The following COBL variants were observed in gnomAD, a reference collection of about 807,000 sequenced individuals.
COBL encodes the protein protein cordon-bleu.
In COBL, 51 loss-of-function variants were observed where a neutral mutation model predicts 98.8. The ratio of observed to expected loss-of-function variants is 0.52; its 90% CI spans 0.41 to 0.65. The LOEUF (loss-of-function observed/expected upper bound fraction) is 0.65, where lower values mean the gene tolerates loss of function less well. Among genes scored for constraint, COBL ranks in the 30% least tolerant of loss-of-function variants. The pLI is 0.00. For synonymous variants in COBL, 634 were observed against 651.7 expected (o/e 0.97, Z 0.41); for missense variants, 1,617 against 1,617.5 (o/e 1.00, Z 0.01).
rs59579117 is a variant in COBL, at chr7:51,016,412, G to A, written c.*1139C>T. The A allele has an allele frequency of 6.6e-6, 1 of 152,210 alleles. No homozygotes were observed. The highest frequency in any genetic ancestry group is 1.5e-5 in the Non-Finnish European group (1 of 68,070). The allele number at this position is 152,210 out of a possible 1,614,324, so 9.4% of individuals were successfully genotyped here. On this transcript the variant is annotated 3_prime_UTR_variant, in exon 13 of 13. Transcript: ENST00000265136. ...CTCACCATACTTGTTTTCTCACTCA[G>A]ATACACATTTTATTTCATCAACACA... is the stretch of plus-strand genomic sequence containing the variant.
At chr7:51,040,246 G>C (rs555690273) in intron 8 of COBL, among the ~76,000 whole-genome samples, 1 of 147,272 alleles carries the variant, frequency 6.8e-6, no homozygotes, top group African/African-American at 2.5e-5. Context: ...TTCATTCTAT[G>C]AAATCCCCCC....
intron 6 of COBL, among the ~76,000 whole-genome samples, chr7:51,123,545 G>C (rs1797931380): frequency 6.6e-6 from 1 of 152,200 alleles, no homozygotes; most frequent in Non-Finnish European, 1.5e-5. Context: ...AGAACAGGCT[G>C]CTGAGAAAGA....
intron 12 of COBL, among the ~76,000 whole-genome samples, chr7:51,019,701 A>T (rs1786732313): frequency 6.6e-6 from 1 of 152,206 alleles, no homozygotes; most frequent in East Asian, 1.9e-4. Context: ...AGTCACACGC[A>T]AAGAGTCTGC....
At chr7:51,135,068 T>A (rs56255708) in intron 6 of COBL, among the ~76,000 whole-genome samples, 6,165 of 152,214 alleles carry the variant, frequency 0.041, 189 homozygotes, top group Non-Finnish European at 0.059. Flanking sequence ...GTTCAAGCAA[T>A]TCTCCTGCCT....
intron 8 of COBL, among the ~76,000 whole-genome samples, chr7:51,042,430 A>C (rs1392823975): frequency 6.6e-6 from 1 of 152,040 alleles, no homozygotes; most frequent in Non-Finnish European, 1.5e-5. Flanking sequence ...TACAATCTCA[A>C]CTCACTGCAA....
chr7:51,230,266 C>A (rs1312953667), intron 1 of COBL, among the ~76,000 whole-genome samples: 1 of 152,208 alleles, frequency 6.6e-6, no homozygotes, highest in East Asian at 1.9e-4. Flanking sequence ...CTAGGCCTAA[C>A]AACACCCAAT....
intron 6 of COBL, among the ~76,000 whole-genome samples, chr7:51,133,072 A>G (rs955167566): frequency 2.0e-5 from 3 of 152,324 alleles, no homozygotes; most frequent in South Asian, 2.1e-4. Context: ...AAGAGCAGCG[A>G]GCAAGAATTC....
chr7:51,147,110 C>T (rs533443902), intron 5 of COBL, among the ~76,000 whole-genome samples: 18 of 152,290 alleles, frequency 1.2e-4, no homozygotes, highest in Admixed American at 3.3e-4. Flanking sequence ...GTCAGGACTC[C>T]GCAGCCCTGG....
chr7:51,312,845 T>C (rs1803189566), intron 1 of COBL, among the ~76,000 whole-genome samples: 2 of 152,296 alleles, frequency 1.3e-5, no homozygotes, highest in Non-Finnish European at 2.9e-5. Context: ...AATACCTTTG[T>C]AACAAATTTT....
At chr7:51,173,000 G>T (rs1252132616) in intron 5 of COBL, among the ~76,000 whole-genome samples, 1 of 151,862 alleles carries the variant, frequency 6.6e-6, no homozygotes, top group Non-Finnish European at 1.5e-5. Flanking sequence ...TGTTGGCCAG[G>T]CTGTTCTCGA....
At position 51,273,582 on chromosome 7, in the gene COBL, C is replaced by T. The variant is rs78702993; in HGVS notation, c.41+43011G>A. Among the ~76,000 whole-genome samples, 1,437 of 152,266 alleles carry T rather than the reference C, an allele frequency of 9.4e-3. 22 individuals are homozygous for T. The highest frequency in any genetic ancestry group is 0.033 in the African/African-American group (1,368 of 41,536). ...CTGACTTACCTTGTGACACCTGCTT[C>T]TGCCGTTAGACTGAAAATTAGTCCT... On this transcript the variant is annotated intron_variant, in intron 1 of 12. Coordinates refer to ENST00000265136, the MANE Select transcript of COBL (RefSeq NM_015198.5).
intron 1 of COBL, among the ~76,000 whole-genome samples, chr7:51,275,644 G>A (rs1584379238): frequency 1.3e-5 from 2 of 151,928 alleles, no homozygotes; most frequent in Non-Finnish European, 2.9e-5. Context: ...GCCACCACCA[G>A]CCGCCACCAA....
At chr7:51,243,950 C>G (rs977704237) in intron 1 of COBL, among the ~76,000 whole-genome samples, 6 of 152,136 alleles carry the variant, frequency 3.9e-5, no homozygotes, top group African/African-American at 1.2e-4. Flanking sequence ...GTACCAGGAC[C>G]TCTGTGCCAG....
chr7:51,128,355 G>A lies in COBL; in HGVS notation c.957+7803C>T, dbSNP rs377567406. ...CATTTTATGCACAGCAAAGTAAGTG[G>A]GATATGTGTGCGTGTATGTGTGTGT... On this transcript the variant is annotated intron_variant, in intron 6 of 12. Coordinates refer to ENST00000265136, the MANE Select transcript of COBL (RefSeq NM_015198.5). 3.3e-5 allele frequency among the ~76,000 whole-genome samples: 5 copies of A among 152,242 alleles called. No homozygotes were observed. The East Asian group carries it at 9.7e-4, about 29-fold the overall frequency.
intron 7 of COBL, among the ~76,000 whole-genome samples, chr7:51,069,930 C>CTAAATA (rs1792339865): frequency 1.3e-5 from 2 of 152,192 alleles, no homozygotes; most frequent in South Asian, 4.1e-4. Flanking sequence ...TGTGTCCAGT[C>CTAAATA]TAAATAATCT....
At chr7:51,055,924 C>A (rs1790705032) in intron 7 of COBL, among the ~76,000 whole-genome samples, 1 of 152,218 alleles carries the variant, frequency 6.6e-6, no homozygotes, top group Admixed American at 6.5e-5. Context: ...TCAGTCCCTG[C>A]TCTCAAAAGG....
At chr7:51,208,058 T>C (rs1285463060) in intron 2 of COBL, among the ~76,000 whole-genome samples, 1 of 148,540 alleles carries the variant, frequency 6.7e-6, no homozygotes, top group Non-Finnish European at 1.5e-5. Flanking sequence ...TTGTCTGAGA[T>C]GTGGGGAGCG....
At chr7:51,274,654 G>A (rs920701940) in intron 1 of COBL, among the ~76,000 whole-genome samples, 2 of 152,182 alleles carry the variant, frequency 1.3e-5, no homozygotes, top group African/African-American at 2.4e-5. Flanking sequence ...ACTTTTGTGC[G>A]TAGGCTCAAA....
intron 2 of COBL, among the ~76,000 whole-genome samples, chr7:51,201,055 A>G (rs1791070971): frequency 6.6e-6 from 1 of 152,226 alleles, no homozygotes; most frequent in South Asian, 2.1e-4. Context: ...CCTGGCCAAC[A>G]TGGTGAAACC....
Sources: allele counts gnomAD v4.1 joint callset (sites outside exome capture counted in the v4.1 genomes callset), GRCh38; gene constraint gnomAD v4.1.1; transcripts MANE v1.5; gene names NCBI Gene and HGNC (gene_info 2026-07-23, HGNC 2026-07-21).